The following PKHD1L1 variants were observed in gnomAD, a reference collection of about 807,000 sequenced individuals.
PKHD1L1 encodes fibrocystin-L.
A neutral mutation model predicts 462.9 loss-of-function variants in PKHD1L1; 434 were observed. The ratio of observed to expected loss-of-function variants is 0.94; its 90% CI spans 0.87 to 1.02. The LOEUF (loss-of-function observed/expected upper bound fraction) is 1.02. PKHD1L1 is among the 50% of genes least tolerant of loss of function. The pLI is 0.00. For synonymous variants in PKHD1L1, 1,781 were observed against 1,750.0 expected, an observed-to-expected ratio of 1.02 and a Z score of -0.44; for missense variants, 5,202 against 5,096.1, an observed-to-expected ratio of 1.02 and a Z score of -0.63.
At position 109,425,750 on chromosome 8, in the gene PKHD1L1, C is replaced by T. The variant is rs186322487; in HGVS notation, c.2845+518C>T. 2.6e-5 allele frequency among the ~76,000 whole-genome samples: 4 copies of T among 152,042 alleles called. No individual in the cohort carries two copies. The East Asian group carries it at 7.7e-4, about 29-fold the overall frequency. The stretch of plus-strand genomic sequence containing the variant: ...AGAATTGGAATATGATTTTAAAAGT[C>T]ATCTATAATTGAATTATCTAAGTCT... On this transcript the variant is annotated intron_variant, in intron 24 of 77. Transcript: ENST00000378402.
chr8:109,434,307 TCTC>T (rs773442209), intron 28 of PKHD1L1, among the ~76,000 whole-genome samples: 48 of 151,596 alleles, frequency 3.2e-4, no homozygotes, highest in Non-Finnish European at 6.6e-4. Context: ...AATATCAAAT[TCTC>T]CTATCACCAG....
intron 23 of PKHD1L1, among the ~76,000 whole-genome samples, chr8:109,421,762 C>A (rs1045448503): frequency 6.6e-6 from 1 of 151,986 alleles, no homozygotes; most frequent in Non-Finnish European, 1.5e-5. Flanking sequence ...TCAGCCTCGG[C>A]GACAGAGCGA....
rs1295643071 is a variant in PKHD1L1 at position 109,526,933 on chromosome 8, A to T, written c.12634A>T (p.Met4212Leu). Residue 4212 changes from methionine (M) to leucine (L), a missense_variant, in exon 77 of 78, where the codon ATG becomes TTG. Physicochemically the swap from Met to Leu is conservative, Grantham distance 15. Around this residue, in one of 3 missense-constraint regions of PKHD1L1, gnomAD observed 698 missense variants for 736.3 expected, o/e 0.95. Transcript: ENST00000378402. ...ASTVGTYAQI[M>L]TVVISCLVGR... ...AACTGTGGGTACATATGCCCAGATA[A>T]TGACTGTAGTAATTAGCTGTCTGGT... is the stretch of plus-strand genomic sequence containing the variant. 1.2e-6 allele frequency: 2 copies of T among 1,613,728 alleles called. No homozygotes were observed. Among genetic ancestry groups the T allele is most frequent in the Non-Finnish European group, 1.7e-6 (2 of 1,179,866 alleles).
chr8:109,401,641 T>C, intron 14 of PKHD1L1, 53 bp downstream of exon 14: 4 of 899,642 alleles, frequency 4.4e-6, no homozygotes, highest in South Asian at 1.9e-5. Flanking sequence ...AAGCTTTAAG[T>C]TTATATTTTA....
At chr8:109,404,260 A>G (rs535884922) in intron 14 of PKHD1L1, among the ~76,000 whole-genome samples, 2 of 152,282 alleles carry the variant, frequency 1.3e-5, no homozygotes, top group Non-Finnish European at 2.9e-5. Flanking sequence ...ATTTTTCAAG[A>G]TGTTGAGTAT....
intron 1 of PKHD1L1, 44 bp downstream of exon 1, chr8:109,362,697 C>G: frequency 6.5e-7 from 1 of 1,547,522 alleles, no homozygotes; most frequent in Non-Finnish European, 8.8e-7. Flanking sequence ...GAGAGGCCCG[C>G]GTAGACACTA....
At chr8:109,404,431 A>G (rs1362903336) in intron 14 of PKHD1L1, 123 bp from the exon 15 acceptor site, 6 of 528,792 alleles carry the variant, frequency 1.1e-5, no homozygotes, top group Non-Finnish European at 1.8e-5. Flanking sequence ...AATATGAGAT[A>G]CTACAATATA....
chr8:109,428,023 C>CAAAAAAA (rs55963339), intron 25 of PKHD1L1, among the ~76,000 whole-genome samples: 1 of 70,282 alleles, frequency 1.4e-5, no homozygotes, highest in Non-Finnish European at 3.1e-5. Flanking sequence ...AACTCCGTCT[C>CAAAAAAA]AAAAAAAAAA....
intron 13 of PKHD1L1, among the ~76,000 whole-genome samples, chr8:109,400,599 ATCTC>A (rs35900054): frequency 0.3 from 44,927 of 151,690 alleles, 7,181 homozygotes; most frequent in Admixed American, 0.43. Flanking sequence ...GATAAAATTC[ATCTC>A]TCTATTTTTT....
chr8:109,400,340 A>G lies in PKHD1L1; in HGVS notation c.1277A>G (p.Asp426Gly), dbSNP rs1389147841. The G allele has an allele frequency of 1.9e-6, 3 of 1,612,504 alleles. No homozygotes were observed. The South Asian group carries it at 3.3e-5, about 18-fold the overall frequency. Residue 426 changes from aspartate (D) to glycine (G), a missense_variant, in exon 13 of 78, where the codon GAT becomes GGT. By Grantham distance (94) the Asp-to-Gly change is moderately conservative. Coordinates refer to ENST00000378402, the MANE Select transcript of PKHD1L1 (RefSeq NM_177531.6). ...TTTAGCCAGACTGGACTTCCAGAAG[A>G]TAAGGTAGGGAAGCCTCAGAATACT... ...IYFSQTGLPE[D>G]KVRIAYHSAN...
At chr8:109,415,678 A>G (rs959455644) in intron 21 of PKHD1L1, among the ~76,000 whole-genome samples, 5 of 151,932 alleles carry the variant, frequency 3.3e-5, no homozygotes, top group Non-Finnish European at 7.4e-5. Flanking sequence ...CATGGCAACC[A>G]TCTCTACAAA....
intron 19 of PKHD1L1, among the ~76,000 whole-genome samples, chr8:109,410,592 C>T (rs1813787917): frequency 1.3e-5 from 2 of 152,008 alleles, no homozygotes; most frequent in African/African-American, 2.4e-5. Context: ...AATCCACCCC[C>T]GTGATCAAAT....
chr8:109,425,064 A>G (rs368929203), intron 23 of PKHD1L1, 21 bp from the exon 24 acceptor site: 75 of 1,531,516 alleles, frequency 4.9e-5, no homozygotes, highest in South Asian at 1.2e-4. Flanking sequence ...TCATTTTATC[A>G]ATATTTATTT....
chr8:109,445,185 G>A lies in PKHD1L1; in HGVS notation c.5316G>A (p.Leu1772=), dbSNP rs1290671775. The stretch of plus-strand genomic sequence containing the variant: ...AAGTTCTTATTGAAGGAGAAGGTTT[G>A]GGGACTGTTTTGGAGGACATTGCTG... ...SVKVLIEGEG[L]GTVLEDIAVF... The change falls in exon 38 of 78, where the codon TTG becomes TTA. Residue 1772 remains leucine (L), a synonymous_variant. Coordinates refer to ENST00000378402, the MANE Select transcript of PKHD1L1 (RefSeq NM_177531.6). 6.2e-7 allele frequency: 1 copy of A among 1,613,820 alleles called. No homozygotes were observed. Among genetic ancestry groups the A allele is most frequent in the Non-Finnish European group, 8.5e-7 (1 of 1,179,886 alleles).
chr8:109,410,448 G>C (rs551254701), intron 19 of PKHD1L1, among the ~76,000 whole-genome samples: 1 of 152,036 alleles, frequency 6.6e-6, no homozygotes, highest in Non-Finnish European at 1.5e-5. Flanking sequence ...GAACAGGCAC[G>C]TCACTTGGCT....
At chr8:109,431,372 C>T (rs1171135376) in intron 27 of PKHD1L1, among the ~76,000 whole-genome samples, 2 of 152,014 alleles carry the variant, frequency 1.3e-5, no homozygotes, top group Non-Finnish European at 2.9e-5. Flanking sequence ...TATTTACTTC[C>T]AATCATTAAT....
At position 109,449,433 on chromosome 8, in the gene PKHD1L1, G is replaced by C; in HGVS notation, c.6121G>C (p.Asp2041His). The C allele has an allele frequency of 6.3e-7, 1 of 1,598,952 alleles. No individual in the cohort carries two copies. Among genetic ancestry groups the C allele is most frequent in the Non-Finnish European group, 8.5e-7 (1 of 1,171,660 alleles). ...AGTTTGTGGCTCAGAATGTGCAATT[G>C]ACAGGCTTAGATCTGATTACACAAC... is the stretch of plus-strand genomic sequence containing the variant. Reference protein sequence around the residue: ...ILVCGSECAIDRLRSDYTTLL... With the variant: ...ILVCGSECAIHRLRSDYTTLL... Residue 2041 changes from aspartate to histidine, a missense_variant, in exon 40 of 78, where the codon GAC becomes CAC. By Grantham distance (81) the Asp-to-His change is moderately conservative (BLOSUM62 -1). Coordinates refer to ENST00000378402, the MANE Select transcript of PKHD1L1 (RefSeq NM_177531.6).
Position 109,465,112 on chromosome 8 carries a change from T to C in PKHD1L1, c.8280T>C (p.Ser2760=), listed in dbSNP as rs1483226999. ...NCVALGVTSI[S]GVCNDRCGGW... is the part of the protein sequence containing the mutation. ...TAGCTTTGGGAGTGACATCCATCTC[T>C]GGAGTTTGTAATGACAGATGTGGGG... The change falls in exon 49 of 78, where the codon TCT becomes TCC. Residue 2760 remains serine (S), a synonymous_variant. Transcript: ENST00000378402. 1 of 1,613,838 alleles carries C rather than the reference T, an allele frequency of 6.2e-7. No individual in the cohort carries two copies. The highest frequency in any genetic ancestry group is 8.5e-7 in the Non-Finnish European group (1 of 1,179,784).
intron 28 of PKHD1L1, among the ~76,000 whole-genome samples, chr8:109,434,279 C>T (rs140645150): frequency 4.7e-4 from 71 of 151,616 alleles, no homozygotes; most frequent in African/African-American, 1.6e-3. Flanking sequence ...ATCACTCTTC[C>T]CAACTCATGA....
Sources: allele counts gnomAD v4.1 joint callset (sites outside exome capture counted in the v4.1 genomes callset), GRCh38; gene constraint gnomAD v4.1.1; regional missense constraint gnomAD v4.1.1; transcripts MANE v1.5; gene names NCBI Gene and HGNC (gene_info 2026-07-23, HGNC 2026-07-21).